CORO2B: variants seen among roughly 807,000 people sequenced by gnomAD.
The protein encoded by CORO2B is coronin 2B.
CORO2B carries 26 observed loss-of-function variants against 58.8 expected under a neutral mutation model. That is an observed-to-expected ratio of 0.44 (90% CI 0.32 to 0.61). The LOEUF (loss-of-function observed/expected upper bound fraction) is 0.61. Ranked by LOEUF, CORO2B falls within the 20% of genes least tolerant of loss-of-function variation. The probability of loss-of-function intolerance (pLI) is 0.04; values close to 1 mark genes in which losing one functional copy is unlikely to be tolerated. For synonymous variants in CORO2B, 242 were observed against 253.8 expected (o/e 0.95, Z 0.44); for missense variants, 460 against 645.1 (o/e 0.71, Z 3.11).
At chr15:68,701,777 C>G (rs1892658442) in intron 3 of CORO2B, among the ~76,000 whole-genome samples, 1 of 152,104 alleles carries the variant, frequency 6.6e-6, no homozygotes, top group African/African-American at 2.4e-5. Flanking sequence ...AGCCACTGCA[C>G]CCGGCCTAGG....
intron 1 of CORO2B, among the ~76,000 whole-genome samples, chr15:68,623,430 C>A (rs1478722389): frequency 6.6e-6 from 1 of 152,152 alleles, no homozygotes; most frequent in East Asian, 1.9e-4. Context: ...GGAAGCCTGA[C>A]GTGAGTGACA....
At chr15:68,610,693 A>G (rs1900227642) in intron 1 of CORO2B, among the ~76,000 whole-genome samples, 2 of 151,490 alleles carry the variant, frequency 1.3e-5, no homozygotes, top group Non-Finnish European at 2.9e-5. Flanking sequence ...ACTTATTAAA[A>G]TGGCTTCTCA....
In CORO2B at chr15:68,592,087, C is replaced by T. The variant is rs147660276; in HGVS notation, c.15+12810C>T. Among the ~76,000 whole-genome samples the T allele has an allele frequency of 5.0e-3, 761 of 152,232 alleles. 7 individuals are homozygous for T. Among genetic ancestry groups the T allele is most frequent in the Non-Finnish European group, 6.6e-3 (450 of 68,010 alleles). On this transcript the variant is annotated intron_variant, in intron 1 of 11. Coordinates refer to ENST00000261861, the MANE Select transcript of CORO2B (RefSeq NM_006091.5). The stretch of plus-strand genomic sequence containing the variant: ...TACCCTCTTCCCTTCCCCGGTGTCC[C>T]CAGACTCTGCAGCCAGTGTGTCTCC...
chr15:68,569,964 AG>A, the CORO2B span, among the ~76,000 whole-genome samples: 1 of 152,186 alleles, frequency 6.6e-6, no homozygotes, highest in Non-Finnish European at 1.5e-5. Flanking sequence ...TCTTTGGCTG[AG>A]GAGTCATTGG....
At chr15:68,606,024 G>A (rs1049130805) in intron 1 of CORO2B, among the ~76,000 whole-genome samples, 2 of 151,724 alleles carry the variant, frequency 1.3e-5, no homozygotes, top group Non-Finnish European at 2.9e-5. Context: ...GCGCCCGGCC[G>A]GCTCTTGGGT....
At chr15:68,611,345 C>A (rs915229840) in intron 1 of CORO2B, among the ~76,000 whole-genome samples, 1 of 152,164 alleles carries the variant, frequency 6.6e-6, no homozygotes, top group Non-Finnish European at 1.5e-5. Flanking sequence ...CTTTGCCCTA[C>A]CCTCCCAAGG....
intron 2 of CORO2B, among the ~76,000 whole-genome samples, chr15:68,678,067 A>AG (rs111855926): frequency 0.085 from 12,874 of 152,206 alleles, 1,339 homozygotes; most frequent in African/African-American, 0.25. Context: ...TTCCCCTGCA[A>AG]GGTCTGTTGC....
At chr15:68,668,671 C>T (rs60732246) in intron 2 of CORO2B, among the ~76,000 whole-genome samples, 18,909 of 152,146 alleles carry the variant, frequency 0.12, 2,281 homozygotes, top group African/African-American at 0.31. Flanking sequence ...TTGGAGACCA[C>T]GCCAGTTTGG....
chr15:68,633,516 C>CACACACACACAT (rs879498677), intron 1 of CORO2B, among the ~76,000 whole-genome samples: 14 of 131,676 alleles, frequency 1.1e-4, no homozygotes, highest in Non-Finnish European at 1.7e-4. Flanking sequence ...CTCCAACATA[C>CACACACACACAT]ACACACACAC....
chr15:68,626,596 G>A (rs1900688856), intron 1 of CORO2B, among the ~76,000 whole-genome samples: 2 of 152,162 alleles, frequency 1.3e-5, no homozygotes, highest in Admixed American at 1.3e-4. Context: ...TTGAGTGAGG[G>A]GAGGAGGAAG....
chr15:68,691,973 G>C (rs1306182389), intron 2 of CORO2B, among the ~76,000 whole-genome samples: 2 of 152,228 alleles, frequency 1.3e-5, no homozygotes, highest in African/African-American at 4.8e-5. Flanking sequence ...TTTGCGATCA[G>C]ATGGAAGGAA....
chr15:68,655,092 T>C (rs998715109), intron 2 of CORO2B, among the ~76,000 whole-genome samples: 1 of 152,176 alleles, frequency 6.6e-6, no homozygotes, highest in Non-Finnish European at 1.5e-5. Flanking sequence ...GGTGCCCCTC[T>C]CAAGCCAGCC....
At chr15:68,599,565 G>A (rs11855372) in intron 1 of CORO2B, among the ~76,000 whole-genome samples, 6,564 of 152,234 alleles carry the variant, frequency 0.043, 506 homozygotes, top group African/African-American at 0.15. Context: ...GGCCTGAGAC[G>A]GATATAGGGA....
chr15:68,607,881 A>C (rs1198340237), intron 1 of CORO2B, among the ~76,000 whole-genome samples: 1 of 151,930 alleles, frequency 6.6e-6, no homozygotes, highest in African/African-American at 2.4e-5. Context: ...AAGAGAGGTC[A>C]GACCAGGACT....
intron 2 of CORO2B, among the ~76,000 whole-genome samples, chr15:68,658,812 C>T (rs959004484): frequency 3.9e-5 from 6 of 152,228 alleles, no homozygotes; most frequent in African/African-American, 1.4e-4. Context: ...ATACCTGGGA[C>T]TGTGAACTGC....
At chr15:68,560,690 C>T in the CORO2B span, among the ~76,000 whole-genome samples, 1 of 152,204 alleles carries the variant, frequency 6.6e-6, no homozygotes, top group African/African-American at 2.4e-5. Flanking sequence ...AACCCATCTT[C>T]CTCCTCTCTG....
At chr15:68,567,252 C>T in the CORO2B span, among the ~76,000 whole-genome samples, 3 of 152,246 alleles carry the variant, frequency 2.0e-5, no homozygotes, top group African/African-American at 4.8e-5. Context: ...GAGAAAAGCA[C>T]ATAAATTGTA....
chr15:68,523,904 A>G, the CORO2B span, among the ~76,000 whole-genome samples: 1 of 152,168 alleles, frequency 6.6e-6, no homozygotes, highest in Admixed American at 6.5e-5. Context: ...TGGGTGTCCT[A>G]CAATTCTTCA....
intron 1 of CORO2B, among the ~76,000 whole-genome samples, chr15:68,585,107 C>G (rs763586699): frequency 6.6e-6 from 1 of 152,130 alleles, no homozygotes; most frequent in Non-Finnish European, 1.5e-5. Flanking sequence ...ATGGGAGGCT[C>G]CCAGGTTTGC....
Sources: gnomAD v4.1 joint callset for allele counts (sites outside exome capture counted in the v4.1 genomes callset) on GRCh38, gnomAD v4.1.1 for gene constraint, MANE v1.5 for transcripts, NCBI Gene and HGNC (gene_info 2026-07-23, HGNC 2026-07-21) for gene names.